The following AFF3 variants were observed in gnomAD, a reference collection of about 807,000 sequenced individuals.
AFF3 encodes the protein AF4/FMR2 family member 3.
In AFF3, 32 loss-of-function variants were observed where a neutral mutation model predicts 129.7. That is an observed-to-expected ratio of 0.25 (90% CI 0.19 to 0.33). The LOEUF is 0.33. AFF3 is among the 10% of genes least tolerant of loss of function. The probability of loss-of-function intolerance (pLI) is 1.00; values close to 1 mark genes in which losing one functional copy is unlikely to be tolerated. For synonymous variants in AFF3, 644 were observed against 635.4 expected, an observed-to-expected ratio of 1.01 and a Z score of -0.20; for missense variants, 1,373 against 1,592.0, an observed-to-expected ratio of 0.86 and a Z score of 2.34.
At chr2:99,639,655 A>G (rs1683997792) in intron 13 of AFF3, among the ~76,000 whole-genome samples, 1 of 151,850 alleles carries the variant, frequency 6.6e-6, no homozygotes, top group African/African-American at 2.4e-5. Flanking sequence ...GATATGACCC[A>G]GGGTGACTTT....
intron 8 of AFF3, among the ~76,000 whole-genome samples, chr2:99,833,273 A>G (rs768792636): frequency 2.6e-5 from 4 of 152,202 alleles, no homozygotes; most frequent in Non-Finnish European, 4.4e-5. Flanking sequence ...AAAACCAAGG[A>G]AAAAATGAGT....
intron 11 of AFF3, chr2:99,707,476 G>C: frequency 1.0e-6 from 1 of 985,298 alleles, no homozygotes; most frequent in Non-Finnish European, 1.2e-6. Flanking sequence ...CAAACAAAAG[G>C]TTATCCACGA....
At chr2:100,100,993 T>C (rs1384484375) in intron 4 of AFF3, among the ~76,000 whole-genome samples, 1 of 152,168 alleles carries the variant, frequency 6.6e-6, no homozygotes, top group Admixed American at 6.5e-5. Context: ...ACCTTAACCT[T>C]TTTCCAAGTT....
At position 99,549,562 on chromosome 2, in the gene AFF3, G is replaced by A. The variant is rs765417882; in HGVS notation, c.*1912C>T. The A allele has an allele frequency of 5.3e-5, 10 of 188,242 alleles. No homozygotes were observed. Among genetic ancestry groups the A allele is most frequent in the Non-Finnish European group, 8.9e-5 (8 of 89,546 alleles). 11.7% of individuals were successfully genotyped at this position (188,242 alleles called of 1,614,324 possible). Reference sequence around the variant, plus strand: ...ATCGTGCCACTGCACTCCAGCCTGGGCAACAGAGCGAAACTCGTCTCAAAA... The same window carrying A: ...ATCGTGCCACTGCACTCCAGCCTGGACAACAGAGCGAAACTCGTCTCAAAA... On this transcript the variant is annotated 3_prime_UTR_variant, in exon 25 of 25. Transcript: ENST00000672756.
At chr2:99,656,130 T>C (rs774030920) in intron 12 of AFF3, among the ~76,000 whole-genome samples, 3 of 152,224 alleles carry the variant, frequency 2.0e-5, no homozygotes, top group Non-Finnish European at 2.9e-5. Context: ...GTGGAGACTC[T>C]GAGTAGCTAG....
At chr2:99,893,516 A>G (rs150605185) in intron 7 of AFF3, among the ~76,000 whole-genome samples, 2 of 152,306 alleles carry the variant, frequency 1.3e-5, no homozygotes, top group African/African-American at 4.8e-5. Flanking sequence ...TCCTTGTAAG[A>G]AGAGACATCA....
chr2:99,557,069 AC>A (rs758178375), intron 22 of AFF3, among the ~76,000 whole-genome samples: 6 of 152,308 alleles, frequency 3.9e-5, no homozygotes, highest in Non-Finnish European at 5.9e-5. Context: ...TGTTCCCATC[AC>A]AAAAACGGTA....
intron 4 of AFF3, among the ~76,000 whole-genome samples, chr2:100,065,708 A>G (rs1168852480): frequency 6.6e-6 from 1 of 152,172 alleles, no homozygotes; most frequent in Non-Finnish European, 1.5e-5. Context: ...ATCCACCTAC[A>G]CTAGTTTTGT....
Position 99,593,262 on chromosome 2 carries a change from G to T in AFF3, c.2399C>A (p.Ala800Glu). 6.2e-7 allele frequency: 1 copy of T among 1,612,768 alleles called. No individual in the cohort carries two copies. Among genetic ancestry groups the T allele is most frequent in the Non-Finnish European group, 8.5e-7 (1 of 1,179,024 alleles). The part of the protein sequence containing the change: ...SAPATKDSES[A>E]PPSHTSDTPA... ...TGTGTCCGAGGTGTGGCTGGGCGGT[G>T]CGCTCTCAGAGTCCTTGGTGGCAGG... The change falls in exon 15 of 25, where the codon GCA becomes GAA. Residue 800 changes from alanine (A) to glutamate (E), a missense_variant. By Grantham distance (107) the Ala-to-Glu change is moderately radical. This residue lies in a region of AFF3 where 466 missense variants were observed against 505.0 expected (regional missense o/e 0.92). Coordinates refer to ENST00000672756, the MANE Select transcript of AFF3 (RefSeq NM_001386135.1).
intron 7 of AFF3, among the ~76,000 whole-genome samples, chr2:99,901,966 C>T (rs1694376449): frequency 6.6e-6 from 1 of 151,712 alleles, no homozygotes. Context: ...TTTCCACGCT[C>T]ACCCACACTT....
At chr2:99,915,102 G>A (rs925457193) in intron 7 of AFF3, among the ~76,000 whole-genome samples, 3 of 151,940 alleles carry the variant, frequency 2.0e-5, no homozygotes, top group Admixed American at 1.3e-4. Context: ...AGGTGTAAGG[G>A]AATTCTTTGA....
intron 8 of AFF3, among the ~76,000 whole-genome samples, chr2:99,832,257 AT>A (rs1688564234): frequency 6.6e-6 from 1 of 152,206 alleles, no homozygotes; most frequent in Admixed American, 6.5e-5. Flanking sequence ...CAACTTTGTG[AT>A]TTCTAATGAC....
rs534109494 is a variant in AFF3, at chr2:99,738,151, C to T, written c.1039+5953G>A. 1.2e-4 allele frequency among the ~76,000 whole-genome samples: 18 copies of T among 152,120 alleles called. 1 individual carries two copies. In the South Asian group the frequency reaches 2.3e-3, roughly 19 times the overall value. ...TGTCCTGTTTGTTCTTGCTCTTGCT[C>T]GTGGTCTCGTTTCCTTTTTTGTAAG... is the stretch of plus-strand genomic sequence containing the variant. On this transcript the variant is annotated intron_variant, in intron 10 of 24. Transcript: ENST00000672756.
At chr2:99,969,389 C>T (rs1303857535) in intron 7 of AFF3, among the ~76,000 whole-genome samples, 4 of 152,224 alleles carry the variant, frequency 2.6e-5, no homozygotes, top group Non-Finnish European at 5.9e-5. Flanking sequence ...TCTATGAAGA[C>T]AGATTATTTC....
At chr2:99,690,582 C>T (rs1269547270) in intron 11 of AFF3, among the ~76,000 whole-genome samples, 3 of 152,058 alleles carry the variant, frequency 2.0e-5, no homozygotes, top group East Asian at 1.9e-4. Flanking sequence ...GCAGGAAGGG[C>T]TCAATTGGAA....
At chr2:99,552,810 C>T (rs1298557499) in intron 24 of AFF3, among the ~76,000 whole-genome samples, 3 of 152,232 alleles carry the variant, frequency 2.0e-5, no homozygotes, top group Non-Finnish European at 4.4e-5. Context: ...CCATCTGGAG[C>T]TTGGCCTGCT....
Position 100,120,055 on chromosome 2 carries a change from A to G in AFF3, c.-145+9169T>C, listed in dbSNP as rs543723697. Reference sequence around the variant, plus strand: ...TAGGGGGAGAAAAGACTGGCAGCAAAGGGATATCATCTAGTCACATTAGTG... The same window carrying G: ...TAGGGGGAGAAAAGACTGGCAGCAAGGGGATATCATCTAGTCACATTAGTG... On this transcript the variant is annotated intron_variant, in intron 2 of 24. Coordinates refer to ENST00000672756, the MANE Select transcript of AFF3 (RefSeq NM_001386135.1). 2.0e-5 allele frequency among the ~76,000 whole-genome samples: 3 copies of G among 152,366 alleles called. No homozygotes were observed. The South Asian group carries it at 6.2e-4, about 32-fold the overall frequency.
intron 13 of AFF3, among the ~76,000 whole-genome samples, chr2:99,611,018 G>T: frequency 6.6e-6 from 1 of 152,014 alleles, no homozygotes; most frequent in Admixed American, 6.6e-5. Flanking sequence ...TTCCTATCAG[G>T]CAATTTCTCT....
At chr2:100,049,746 A>G (rs540588674) in intron 4 of AFF3, among the ~76,000 whole-genome samples, 2 of 152,328 alleles carry the variant, frequency 1.3e-5, no homozygotes, top group East Asian at 1.9e-4. Flanking sequence ...ACTTTTCTAT[A>G]TACTTGAAAT....
Sources: allele counts gnomAD v4.1 joint callset (sites outside exome capture counted in the v4.1 genomes callset), GRCh38; gene constraint gnomAD v4.1.1; regional missense constraint gnomAD v4.1.1; transcripts MANE v1.5; gene names NCBI Gene and HGNC (gene_info 2026-07-23, HGNC 2026-07-21).